The following RGS7 variants were observed in gnomAD, a reference collection of about 807,000 sequenced individuals.
RGS7 encodes regulator of G protein signaling 7, also known as regulator of G-protein signaling 7.
Under a neutral mutation model 81.1 loss-of-function variants are expected in RGS7, and 27 were observed. That is an observed-to-expected ratio of 0.33 (90% CI 0.25 to 0.46). The LOEUF is 0.46. Ranked by LOEUF, RGS7 falls within the 20% of genes least tolerant of loss-of-function variation. The pLI is 1.00. For missense variants in RGS7, 396 were observed against 607.4 expected, an observed-to-expected ratio of 0.65 and a Z score of 3.66; for synonymous variants, 208 against 207.7, an observed-to-expected ratio of 1.00 and a Z score of -0.01.
intron 2 of RGS7, among the ~76,000 whole-genome samples, chr1:241,131,638 C>T (rs2067110124): frequency 6.6e-6 from 1 of 152,084 alleles, no homozygotes; most frequent in South Asian, 2.1e-4. Flanking sequence ...TGAGAGACAC[C>T]TGAACTGTCA....
At chr1:240,888,389 T>A (rs983610698) in intron 6 of RGS7, among the ~76,000 whole-genome samples, 4 of 152,144 alleles carry the variant, frequency 2.6e-5, no homozygotes, top group Non-Finnish European at 5.9e-5. Context: ...AAAGCAGAAA[T>A]TCTGCGTTTA....
chr1:240,776,091 C>A lies in RGS7; in HGVS notation c.*129G>T. 8.7e-7 allele frequency: 1 copy of A among 1,150,910 alleles called. No homozygotes were observed. The highest frequency in any genetic ancestry group is 1.2e-5 in the South Asian group (1 of 81,678). 71.3% of individuals were successfully genotyped at this position (1,150,910 alleles called of 1,614,324 possible). A position where few individuals can be genotyped will look rare whatever the true frequency, so the allele number is the denominator to read the frequency against. ...ACATCTTGTTCTAATGTCCTCTGCT[C>A]CAGGTCACAACATTGAGCTACAAAG... On this transcript the variant is annotated 3_prime_UTR_variant, in exon 19 of 19. Transcript: ENST00000440928.
chr1:240,892,133 A>G (rs1261413043), intron 6 of RGS7, among the ~76,000 whole-genome samples: 1 of 152,180 alleles, frequency 6.6e-6, no homozygotes, highest in Non-Finnish European at 1.5e-5. Flanking sequence ...GAGTATGTAT[A>G]ATGCATCATA....
At chr1:241,127,391 C>T (rs1159840549) in intron 2 of RGS7, among the ~76,000 whole-genome samples, 2 of 152,052 alleles carry the variant, frequency 1.3e-5, no homozygotes, top group African/African-American at 2.4e-5. Context: ...TTACTAAATC[C>T]GTCAATAATC....
At chr1:240,880,075 T>G (rs998695392) in intron 6 of RGS7, among the ~76,000 whole-genome samples, 1 of 152,230 alleles carries the variant, frequency 6.6e-6, no homozygotes, top group African/African-American at 2.4e-5. Context: ...AGGGCCTCCC[T>G]CTGTCACCCA....
chr1:241,266,797 TTTA>T (rs1403016898), intron 2 of RGS7, among the ~76,000 whole-genome samples: 1 of 151,386 alleles, frequency 6.6e-6, no homozygotes, highest in Admixed American at 6.6e-5. Flanking sequence ...AGAATGCAGT[TTTA>T]TTTTACAGAG....
chr1:241,061,716 C>T (rs993382008), intron 3 of RGS7, among the ~76,000 whole-genome samples: 4 of 152,164 alleles, frequency 2.6e-5, no homozygotes, highest in African/African-American at 9.7e-5. Context: ...GGCAAATTAA[C>T]CAGGTGAAGG....
chr1:241,011,707 T>A (rs2058964599), intron 3 of RGS7, among the ~76,000 whole-genome samples: 1 of 152,038 alleles, frequency 6.6e-6, no homozygotes, highest in Admixed American at 6.6e-5. Flanking sequence ...GACTTAGGAG[T>A]GTCCTGATAT....
intron 3 of RGS7, among the ~76,000 whole-genome samples, chr1:241,064,927 CA>C (rs200584709): frequency 2.7e-5 from 4 of 149,336 alleles, no homozygotes; most frequent in African/African-American, 4.9e-5. Context: ...ATGACGTCTT[CA>C]AAAAAAAAGG....
intron 2 of RGS7, among the ~76,000 whole-genome samples, chr1:241,140,700 T>C: frequency 6.6e-6 from 1 of 152,206 alleles, no homozygotes; most frequent in East Asian, 1.9e-4. Context: ...TATGAGCCAC[T>C]ATGCCCAATC....
At position 240,868,835 on chromosome 1, in the gene RGS7, C is replaced by A. The variant is rs766612290; in HGVS notation, c.468G>T (p.Leu156=). 256 of 1,613,938 alleles carry A rather than the reference C, an allele frequency of 1.6e-4. 1 individual carries two copies. The highest frequency in any genetic ancestry group is 2.1e-4 in the Non-Finnish European group (247 of 1,180,014). Residue 156 remains leucine (L), a synonymous_variant, in exon 8 of 19, where the codon CTG becomes CTT. Coordinates refer to ENST00000440928, the MANE Select transcript of RGS7 (RefSeq NM_001364886.1). This position sits in a 1 kb window ranked among gnomAD's most constrained non-coding sequence, Gnocchi z 5.1. ...CCCACTTCCGGGCAAATGCTCTCTG[C>A]AGCCTGGCCAGGCTCTCCTGAAAAA... The part of the protein sequence containing the change: ...ADYEAESLAR[L]QRAFARKWEF...
intron 3 of RGS7, among the ~76,000 whole-genome samples, chr1:240,999,242 A>G (rs1434850852): frequency 1.3e-5 from 2 of 151,538 alleles, no homozygotes; most frequent in African/African-American, 4.8e-5. Context: ...GCATATTATT[A>G]TTATTATTAT....
At chr1:240,789,320 C>G (rs1042357270) in intron 18 of RGS7, among the ~76,000 whole-genome samples, 4 of 152,130 alleles carry the variant, frequency 2.6e-5, no homozygotes, top group Non-Finnish European at 4.4e-5. Flanking sequence ...GTTAACTGTA[C>G]AAATTGTTGT....
chr1:241,020,440 T>G (rs2059482117), intron 3 of RGS7, among the ~76,000 whole-genome samples: 2 of 152,140 alleles, frequency 1.3e-5, no homozygotes, highest in African/African-American at 4.8e-5. Flanking sequence ...GCTACATAAC[T>G]CCCATCTCTG....
In RGS7 at chr1:241,144,962, T is replaced by TGTTC. The variant is rs1191454467; in HGVS notation, c.79-46204_79-46201dup. On this transcript the variant is annotated intron_variant, in intron 2 of 18. Transcript: ENST00000440928. The surrounding 1 kb of genome is among the most constrained non-coding windows in gnomAD (Gnocchi z 4.7). The stretch of plus-strand genomic sequence containing the variant: ...GTGTGTGTGTGTGTGTGTGTGTGTG[T>TGTTC]GTTCGTGTTCATTCTTCCTGTTCCT... Among the ~76,000 whole-genome samples, 1 of 146,094 alleles carries TGTTC rather than the reference T, an allele frequency of 6.8e-6. No homozygotes were observed. The highest frequency in any genetic ancestry group is 1.5e-5 in the Non-Finnish European group (1 of 66,614).
chr1:241,003,084 C>T (rs190725143), intron 3 of RGS7, among the ~76,000 whole-genome samples: 3 of 152,252 alleles, frequency 2.0e-5, no homozygotes, highest in Non-Finnish European at 4.4e-5. Context: ...TTGGTATACT[C>T]GCAAATAAAT....
chr1:241,276,340 C>G (rs888537199), intron 2 of RGS7, among the ~76,000 whole-genome samples: 2 of 152,142 alleles, frequency 1.3e-5, no homozygotes, highest in African/African-American at 4.8e-5. Context: ...GCAACTCTTG[C>G]CATTAGTATA....
intron 3 of RGS7, among the ~76,000 whole-genome samples, chr1:241,078,345 G>GT (rs2062939759): frequency 1.6e-4 from 18 of 114,856 alleles, no homozygotes; most frequent in Non-Finnish European, 1.9e-4. Flanking sequence ...GTGTGTGTGT[G>GT]GCATAAACTG....
chr1:240,907,591 T>C (rs1167688181), intron 6 of RGS7, among the ~76,000 whole-genome samples: 5 of 152,122 alleles, frequency 3.3e-5, no homozygotes, highest in Non-Finnish European at 7.4e-5. Context: ...GTTTCAGAAA[T>C]AGCACAAAAA....
Sources: allele counts gnomAD v4.1 joint callset (sites outside exome capture counted in the v4.1 genomes callset), GRCh38; gene constraint gnomAD v4.1.1; non-coding constraint Gnocchi (gnomAD v3.1); transcripts MANE v1.5; gene names NCBI Gene and HGNC (gene_info 2026-07-23, HGNC 2026-07-21).